SLC12A2: variants seen among roughly 807,000 people sequenced by gnomAD.
The protein encoded by SLC12A2 is solute carrier family 12 member 2, also known as Na-K-2Cl cotransporter 1.
SLC12A2 carries 67 observed loss-of-function variants against 136.3 expected under a neutral mutation model. That is an observed-to-expected ratio of 0.49 (90% CI 0.40 to 0.60). SLC12A2 has a LOEUF of 0.60. SLC12A2 is among the 20% of genes least tolerant of loss of function. SLC12A2 has a pLI of 0.00. For synonymous variants in SLC12A2, 619 were observed against 562.9 expected (o/e 1.10, Z -1.41); for missense variants, 1,322 against 1,534.7 (o/e 0.86, Z 2.32).
intron 4 of SLC12A2, among the ~76,000 whole-genome samples, chr5:128,127,470 T>C (rs991303942): frequency 1.1e-4 from 16 of 152,198 alleles, no homozygotes; most frequent in African/African-American, 3.4e-4. Flanking sequence ...ATGTCAGTAT[T>C]ATGCTCATCT....
At position 128,189,327 on chromosome 5, in the gene SLC12A2, C is replaced by T. The variant is rs571513008; in HGVS notation, c.*2696C>T. 3.3e-5 allele frequency: 5 copies of T among 152,096 alleles called. No individual in the cohort carries two copies. The South Asian group carries it at 8.3e-4, about 25-fold the overall frequency. 9.4% of individuals were successfully genotyped at this position (152,096 alleles called of 1,614,324 possible). ...CATGGCATTTGACAGTTCATTATTC[C>T]TATAAGAATTAAATTGAGTTTAGAG... is the stretch of plus-strand genomic sequence containing the variant. On this transcript the variant is annotated 3_prime_UTR_variant, in exon 27 of 27. Transcript: ENST00000262461.
At chr5:128,163,620 T>C (rs1358899258) in intron 17 of SLC12A2, among the ~76,000 whole-genome samples, 4 of 152,160 alleles carry the variant, frequency 2.6e-5, no homozygotes, top group Non-Finnish European at 5.9e-5. Flanking sequence ...GAAAATGTAG[T>C]ACAAATGTAT....
At chr5:128,147,840 TATATATG>T (rs1651464736) in intron 11 of SLC12A2, 111 bp downstream of exon 11, 2 of 571,054 alleles carry the variant, frequency 3.5e-6, no homozygotes, top group Admixed American at 6.4e-5. Context: ...CATATATACA[TATATATG>T]ATATATATAT....
Position 128,084,415 on chromosome 5 carries a change from A to G in SLC12A2, c.461A>G (p.Asp154Gly). 1 of 1,611,914 alleles carries G rather than the reference A, an allele frequency of 6.2e-7. No individual in the cohort carries two copies. Among genetic ancestry groups the G allele is most frequent in the Non-Finnish European group, 8.5e-7 (1 of 1,179,214 alleles). The change falls in exon 1 of 27, where the codon GAC becomes GGC. Residue 154 changes from aspartate (D) to glycine (G), a missense_variant. By Grantham distance (94) the Asp-to-Gly change is moderately conservative. This residue lies in a region of SLC12A2 where 358 missense variants were observed against 299.7 expected (regional missense o/e 1.19). Transcript: ENST00000262461. The surrounding 1 kb of genome is among the most constrained non-coding windows in gnomAD (Gnocchi z 5.6). ...CCAGCTGCCTCCTCGTCGGCTGAAG[A>G]CAGCCTGTCAGATGCTGCCGGGGTC... ...VDPAASSSAE[D>G]SLSDAAGVGV...
intron 4 of SLC12A2, among the ~76,000 whole-genome samples, chr5:128,126,080 C>T (rs1245973612): frequency 6.6e-6 from 1 of 152,140 alleles, no homozygotes; most frequent in African/African-American, 2.4e-5. Context: ...CCTAAGTCTT[C>T]TAACTTTGTT....
intron 4 of SLC12A2, among the ~76,000 whole-genome samples, chr5:128,126,966 A>ATATATATATATATATATATATATAATTTT: frequency 3.3e-4 from 7 of 21,158 alleles, no homozygotes; most frequent in African/African-American, 7.4e-4. Context: ...ATATATATAT[A>ATATATATATATATATATATATATAATTTT]TTTTTTTTTT....
intron 4 of SLC12A2, among the ~76,000 whole-genome samples, chr5:128,122,327 A>G (rs1467156438): frequency 1.3e-5 from 2 of 152,228 alleles, no homozygotes; most frequent in African/African-American, 2.4e-5. Flanking sequence ...TGTGACAGAC[A>G]CTGGGTTTTT....
At chr5:128,141,716 G>A in intron 9 of SLC12A2, 114 bp from the exon 10 acceptor site, 3 of 715,902 alleles carry the variant, frequency 4.2e-6, no homozygotes, top group South Asian at 2.9e-5. Flanking sequence ...CTATTATAAG[G>A]GAGTAGATAT....
At position 128,148,715 on chromosome 5, in the gene SLC12A2, A is replaced by G. The variant is rs140954425; in HGVS notation, c.1882-39A>G. ...GAACTATCAGCAAATCTGCATGTCT[A>G]ATTTTAATATGTTTCATTTTAATGT... On this transcript the variant is annotated intron_variant, in intron 11 of 26. Transcript: ENST00000262461. The G allele has an allele frequency of 1.1e-5, 17 of 1,521,700 alleles. No individual in the cohort carries two copies. In the African/African-American group the frequency reaches 2.1e-4, roughly 19 times the overall value. 94.3% of individuals were successfully genotyped at this position (1,521,700 alleles called of 1,614,324 possible). A position where few individuals can be genotyped will look rare whatever the true frequency, so the allele number is the denominator to read the frequency against.
intron 26 of SLC12A2, 35 bp from the exon 27 acceptor site, chr5:128,186,461 G>GTTTTTTTTTTTTTTTTTTTTTTTTT: frequency 2.3e-6 from 3 of 1,322,946 alleles, no homozygotes; most frequent in Non-Finnish European, 2.0e-6. Context: ...ATTGCTCAGG[G>GTTTTTTTTTTTTTTTTTTTTTTTTT]TTTTTTTTTT....
chr5:128,173,910 T>A (rs1014386990), intron 19 of SLC12A2, among the ~76,000 whole-genome samples: 18 of 152,116 alleles, frequency 1.2e-4, no homozygotes, highest in African/African-American at 4.3e-4. Context: ...AATGGAGAAA[T>A]GGTACTTTCA....
At position 128,174,616 on chromosome 5, in the gene SLC12A2, C is replaced by G. The variant is rs140529893; in HGVS notation, c.2879C>G (p.Ser960Cys). Residue 960 changes from serine (S) to cysteine (C), a missense_variant, in exon 20 of 27, where the codon TCC becomes TGC. This residue lies in a region of SLC12A2 where 226 missense variants were observed against 210.4 expected (regional missense o/e 1.07). Coordinates refer to ENST00000262461, the MANE Select transcript of SLC12A2 (RefSeq NM_001046.3). ...GTAAGTGTGGAATATAGTAAAAAGT[C>G]CGATTTAGATACTTCCAAACCACTC... The part of the protein sequence containing the change: ...VVVSVEYSKK[S>C]DLDTSKPLSE... The G allele has an allele frequency of 6.2e-7, 1 of 1,609,154 alleles. No homozygotes were observed. The highest frequency in any genetic ancestry group is 1.3e-5 in the African/African-American group (1 of 74,884).
chr5:128,113,885 A>C (rs921009580), intron 2 of SLC12A2, among the ~76,000 whole-genome samples: 1 of 152,224 alleles, frequency 6.6e-6, no homozygotes, highest in Non-Finnish European at 1.5e-5. Context: ...GGGAATATGC[A>C]CTACTTTTTT....
Position 128,084,244 on chromosome 5 carries a change from C to A in SLC12A2, c.290C>A (p.Ala97Glu). The change falls in exon 1 of 27, where the codon GCG (alanine) becomes GAG (glutamate). Residue 97 changes from alanine to glutamate, a missense_variant. Around this residue, in one of 8 missense-constraint regions of SLC12A2, gnomAD observed 358 missense variants for 299.7 expected, o/e 1.19. Coordinates refer to ENST00000262461, the MANE Select transcript of SLC12A2 (RefSeq NM_001046.3). The surrounding 1 kb of genome is among the most constrained non-coding windows in gnomAD (Gnocchi z 5.6). ...AACGCCGGGCGGGCCGCTGCTGCGG[C>A]GGCGGCGGCGGCGGCGGCAGCGGCG... ...SENAGRAAAA[A>E]AAAAAAAAAA... is the part of the protein sequence containing the mutation. 8.2e-7 allele frequency: 1 copy of A among 1,219,212 alleles called. No individual in the cohort carries two copies. Among genetic ancestry groups the A allele is most frequent in the Middle Eastern group, 2.8e-4 (1 of 3,532 alleles). 75.5% of individuals were successfully genotyped at this position (1,219,212 alleles called of 1,614,324 possible). A position where few individuals can be genotyped will look rare whatever the true frequency, so the allele number is the denominator to read the frequency against.
At position 128,127,969 on chromosome 5, in the gene SLC12A2, A is replaced by G. The variant is rs147229863; in HGVS notation, c.1049-3098A>G. Among the ~76,000 whole-genome samples the G allele has an allele frequency of 5.9e-3, 892 of 152,134 alleles. 3 individuals are homozygous for G. The highest frequency in any genetic ancestry group is 0.024 in the Middle Eastern group (7 of 294). ...TATTGATATATCCTCATTTTTTAGT[A>G]TAATCATTTAAAACAAATTTTACTG... On this transcript the variant is annotated intron_variant, in intron 4 of 26. Transcript: ENST00000262461.
Position 128,189,596 on chromosome 5 carries a change from TC to T in SLC12A2, c.*2966del. 1 of 152,672 alleles carries T rather than the reference TC, an allele frequency of 6.5e-6. No homozygotes were observed. The highest frequency in any genetic ancestry group is 1.5e-5 in the Non-Finnish European group (1 of 68,032). The allele number at this position is 152,672 out of a possible 1,614,324, so 9.5% of individuals were successfully genotyped here. A position where few individuals can be genotyped will look rare whatever the true frequency, so the allele number is the denominator to read the frequency against. On this transcript the variant is annotated 3_prime_UTR_variant, in exon 27 of 27. Transcript: ENST00000262461. ...AATATACCTGTCACACAAATGCTTT[TC>T]TAATGTTTTAACCTTGAGTATTGCA...
At chr5:128,129,133 A>G (rs1310060341) in intron 4 of SLC12A2, among the ~76,000 whole-genome samples, 2 of 152,066 alleles carry the variant, frequency 1.3e-5, no homozygotes, top group East Asian at 3.8e-4. Context: ...GTCAACTACT[A>G]AAGACAAGAG....
At chr5:128,133,364 T>G (rs1449704694) in intron 5 of SLC12A2, among the ~76,000 whole-genome samples, 1 of 152,070 alleles carries the variant, frequency 6.6e-6, no homozygotes, top group Admixed American at 6.5e-5. Context: ...TGTATTAAGG[T>G]CATTTATCTG....
Position 128,154,065 on chromosome 5 carries a change from A to G in SLC12A2, c.2363+1260A>G, listed in dbSNP as rs1233419727. Among the ~76,000 whole-genome samples the G allele has an allele frequency of 9.7e-5, 13 of 134,022 alleles. No homozygotes were observed. In the South Asian group the frequency reaches 2.7e-3, roughly 27 times the overall value. 87.9% of individuals were successfully genotyped at this position (134,022 alleles called of 152,430 possible). A position where few individuals can be genotyped will look rare whatever the true frequency, so the allele number is the denominator to read the frequency against. On this transcript the variant is annotated intron_variant, in intron 15 of 26. Coordinates refer to ENST00000262461, the MANE Select transcript of SLC12A2 (RefSeq NM_001046.3). The stretch of plus-strand genomic sequence containing the variant: ...TTTATTTGCCGTCAATTAAAAAAAA[A>G]AACAAAAAAAAAAAACCTCTTGCTT...
Sources: gnomAD v4.1 joint callset for allele counts (sites outside exome capture counted in the v4.1 genomes callset) on GRCh38, gnomAD v4.1.1 for gene constraint, gnomAD v4.1.1 regional missense constraint, Gnocchi (gnomAD v3.1) non-coding constraint, MANE v1.5 for transcripts, NCBI Gene and HGNC (gene_info 2026-07-23, HGNC 2026-07-21) for gene names.